The following PARD3 variants were observed in gnomAD, a reference collection of about 807,000 sequenced individuals.
PARD3 encodes the protein par-3 family cell polarity regulator, also known as partitioning defective 3 homolog.
Under a neutral mutation model 155.4 loss-of-function variants are expected in PARD3, and 75 were observed. The ratio of observed to expected loss-of-function variants is 0.48; its 90% CI spans 0.40 to 0.58. The LOEUF (loss-of-function observed/expected upper bound fraction) is 0.58, where lower values mean the gene tolerates loss of function less well. Among genes scored for constraint, PARD3 ranks in the 20% least tolerant of loss-of-function variants. The pLI is 0.00. For synonymous variants in PARD3, 576 were observed against 610.5 expected (o/e 0.94, Z 0.83); for missense variants, 1,642 against 1,721.7 (o/e 0.95, Z 0.82).
intron 5 of PARD3, among the ~76,000 whole-genome samples, chr10:34,415,383 G>A (rs1307637597): frequency 2.0e-5 from 3 of 152,040 alleles, no homozygotes; most frequent in Non-Finnish European, 4.4e-5. Context: ...GAAAGAGTTC[G>A]CAGAAGATCA....
At chr10:34,133,585 T>C (rs16935105) in intron 22 of PARD3, among the ~76,000 whole-genome samples, 15,294 of 152,184 alleles carry the variant, frequency 0.1, 1,837 homozygotes, top group African/African-American at 0.28. Flanking sequence ...CAAAAGCATG[T>C]TGCCCTGGTT....
intron 22 of PARD3, among the ~76,000 whole-genome samples, chr10:34,141,573 A>C (rs1948189323): frequency 6.6e-6 from 1 of 152,116 alleles, no homozygotes; most frequent in Non-Finnish European, 1.5e-5. Flanking sequence ...ACTAGATCTT[A>C]CTCCAAGTCC....
chr10:34,243,983 T>C (rs1341971145), intron 22 of PARD3, among the ~76,000 whole-genome samples: 1 of 152,224 alleles, frequency 6.6e-6, no homozygotes, highest in Non-Finnish European at 1.5e-5. Flanking sequence ...TACAGTTATC[T>C]AGTTTTACAG....
At chr10:34,199,910 C>T (rs1951130151) in intron 22 of PARD3, among the ~76,000 whole-genome samples, 1 of 152,122 alleles carries the variant, frequency 6.6e-6, no homozygotes, top group Non-Finnish European at 1.5e-5. Context: ...AAACAGAATA[C>T]CACATCCATG....
rs374697418 is a variant in PARD3 at position 34,511,308 on chromosome 10, C to CA, written c.403+5670dup. Among the ~76,000 whole-genome samples the CA allele has an allele frequency of 6.3e-3, 958 of 152,260 alleles. 11 individuals are homozygous for CA. The highest frequency in any genetic ancestry group is 0.022 in the African/African-American group (933 of 41,546). ...TGTGTTTTTTTCATCAGGAGGCATA[C>CA]AATGTTTGGTTGTCTCTCCTTGATT... is the stretch of plus-strand genomic sequence containing the variant. On this transcript the variant is annotated intron_variant, in intron 3 of 24. Coordinates refer to ENST00000374788, the MANE Select transcript of PARD3 (RefSeq NM_001184785.2).
At chr10:34,794,711 G>C (rs896294695) in intron 1 of PARD3, among the ~76,000 whole-genome samples, 13 of 152,208 alleles carry the variant, frequency 8.5e-5, no homozygotes, top group Admixed American at 3.3e-4. Context: ...GCCTGGGAAA[G>C]TTGTTAGATC....
At chr10:34,727,906 A>ACC (rs1554821261) in intron 1 of PARD3, among the ~76,000 whole-genome samples, 3 of 150,066 alleles carry the variant, frequency 2.0e-5, no homozygotes, top group African/African-American at 7.4e-5. Flanking sequence ...ACACACACAC[A>ACC]CCACTTCCAT....
chr10:34,127,146 C>T (rs1947333145), intron 23 of PARD3, among the ~76,000 whole-genome samples: 1 of 152,090 alleles, frequency 6.6e-6, no homozygotes, highest in East Asian at 1.9e-4. Context: ...ATAAAGAAAC[C>T]AAAATGAATT....
chr10:34,117,248 A>C (rs1420708782), intron 24 of PARD3, among the ~76,000 whole-genome samples: 1 of 152,212 alleles, frequency 6.6e-6, no homozygotes, highest in East Asian at 1.9e-4. Flanking sequence ...CGGCCAAAAT[A>C]TATGAAGCCA....
At chr10:34,576,696 T>G (rs979926367) in intron 2 of PARD3, among the ~76,000 whole-genome samples, 4 of 152,100 alleles carry the variant, frequency 2.6e-5, no homozygotes, top group African/African-American at 9.7e-5. Flanking sequence ...AAGAAATCAC[T>G]ACAGAAACAG....
rs748870198 is a variant in PARD3, at chr10:34,374,858, C to T, written c.1668+16G>A. The T allele has an allele frequency of 1.9e-6, 3 of 1,612,374 alleles. No homozygotes were observed. The highest frequency in any genetic ancestry group is 2.2e-5 in the South Asian group (2 of 90,842). On this transcript the variant is annotated intron_variant, in intron 11 of 24. Transcript: ENST00000374788. ...CTGCATATCAGAAATCTTTCATCTACTCTAAATTTACACACCAGTTCCCTT... is the reference window on the plus strand; with the variant it reads ...CTGCATATCAGAAATCTTTCATCTATTCTAAATTTACACACCAGTTCCCTT...
At chr10:34,242,048 T>C (rs1295131252) in intron 22 of PARD3, among the ~76,000 whole-genome samples, 2 of 152,206 alleles carry the variant, frequency 1.3e-5, no homozygotes, top group Non-Finnish European at 2.9e-5. Flanking sequence ...ATACTTATGA[T>C]AACCAGCTGG....
chr10:34,736,330 C>CTT (rs564413627), intron 1 of PARD3, among the ~76,000 whole-genome samples: 108 of 128,434 alleles, frequency 8.4e-4, no homozygotes, highest in African/African-American at 2.7e-3. Context: ...GCGCCTGGCC[C>CTT]TTTTTTTTTT....
At chr10:34,236,500 G>A (rs975936529) in intron 22 of PARD3, among the ~76,000 whole-genome samples, 1 of 152,084 alleles carries the variant, frequency 6.6e-6, no homozygotes, top group Non-Finnish European at 1.5e-5. Flanking sequence ...ATAACTAAAA[G>A]CTTTAATTAT....
intron 2 of PARD3, among the ~76,000 whole-genome samples, chr10:34,658,492 C>T (rs12259002): frequency 0.02 from 3,106 of 152,040 alleles, 111 homozygotes; most frequent in African/African-American, 0.071. Context: ...CAGGGGCAGA[C>T]GGTACCCACC....
At chr10:34,343,535 A>C (rs1837056791) in intron 15 of PARD3, 1 of 985,166 alleles carries the variant, frequency 1.0e-6, no homozygotes, top group Admixed American at 6.1e-5. Context: ...TTGAAAGGCT[A>C]GTATTTCCAC....
chr10:34,669,558 G>A (rs566033525), intron 2 of PARD3, among the ~76,000 whole-genome samples: 160 of 152,008 alleles, frequency 1.1e-3, no homozygotes, highest in African/African-American at 3.8e-3. Flanking sequence ...TCCATGTAAC[G>A]AAACTGCACT....
chr10:34,385,787 G>T (rs528323582), intron 7 of PARD3, among the ~76,000 whole-genome samples: 15 of 152,198 alleles, frequency 9.9e-5, no homozygotes, highest in African/African-American at 3.6e-4. Flanking sequence ...ATCTCTATTA[G>T]TGGACTATAA....
chr10:34,490,784 T>A (rs1313464109), intron 3 of PARD3, among the ~76,000 whole-genome samples: 1 of 152,178 alleles, frequency 6.6e-6, no homozygotes, highest in Non-Finnish European at 1.5e-5. Context: ...GTCACACTTG[T>A]TTGTATACTC....
Sources: allele counts gnomAD v4.1 joint callset (sites outside exome capture counted in the v4.1 genomes callset), GRCh38; gene constraint gnomAD v4.1.1; transcripts MANE v1.5; gene names NCBI Gene and HGNC (gene_info 2026-07-23, HGNC 2026-07-21).